FRMD6: variants seen among roughly 807,000 people sequenced by gnomAD.
FRMD6 encodes the protein FERM domain containing 6.
In FRMD6, 37 loss-of-function variants were observed where a neutral mutation model predicts 73.2. That is an observed-to-expected ratio of 0.51 (90% CI 0.39 to 0.66). The LOEUF is 0.66. Among genes scored for constraint, FRMD6 ranks in the 30% least tolerant of loss-of-function variants. The probability of loss-of-function intolerance (pLI) is 0.00; values close to 1 mark genes in which losing one functional copy is unlikely to be tolerated. For synonymous variants in FRMD6, 273 were observed against 282.2 expected (o/e 0.97, Z 0.33); for missense variants, 714 against 780.5 (o/e 0.91, Z 1.02).
chr14:51,713,263 G>A (rs1021753445), intron 9 of FRMD6, among the ~76,000 whole-genome samples: 5 of 152,104 alleles, frequency 3.3e-5, no homozygotes, highest in Admixed American at 2.0e-4. Flanking sequence ...TTCGAGACCA[G>A]TCTGGCCAAC....
intron 2 of FRMD6, among the ~76,000 whole-genome samples, chr14:51,587,573 G>A (rs1164016779): frequency 2.6e-5 from 4 of 152,286 alleles, no homozygotes; most frequent in Admixed American, 2.0e-4. Flanking sequence ...AGCTGCATTT[G>A]TGTGTGCTTG....
At chr14:51,697,940 A>G (rs1278065372) in intron 2 of FRMD6, 3 of 471,788 alleles carry the variant, frequency 6.4e-6, no homozygotes, top group East Asian at 3.4e-5. Context: ...CTTTATTACC[A>G]TGTTGTAAAA....
chr14:51,701,159 G>A lies in FRMD6; in HGVS notation c.294G>A (p.Trp98Ter). The A allele has an allele frequency of 6.6e-7, 1 of 1,522,376 alleles. No homozygotes were observed. Among genetic ancestry groups the A allele is most frequent in the Non-Finnish European group, 8.9e-7 (1 of 1,123,550 alleles). The allele number at this position is 1,522,376 out of a possible 1,614,324, so 94.3% of individuals were successfully genotyped here. The change falls in exon 4 of 14, where the codon TGG becomes TGA. Residue 98 changes from tryptophan (W) to a stop codon, truncating the protein, a stop_gained and splice_region_variant. Transcript: ENST00000344768. LOFTEE classifies it high-confidence loss of function. ...ASKVRQYEVTWGIDQFGPPMI... is the reference protein window; with the variant it reads ...ASKVRQYEVT ...AGGTACGACAATACGAAGTCACTTG[G>A]GTGAGATTACATTTATAAGCAAAAT...
intron 2 of FRMD6, among the ~76,000 whole-genome samples, chr14:51,628,923 CT>C (rs1302694972): frequency 8.2e-6 from 1 of 122,140 alleles, no homozygotes; most frequent in Non-Finnish European, 1.6e-5. Flanking sequence ...GTTTTCCAGG[CT>C]GGAGTGCAGT....
At chr14:51,594,203 T>A (rs891587022) in intron 2 of FRMD6, among the ~76,000 whole-genome samples, 1 of 152,104 alleles carries the variant, frequency 6.6e-6, no homozygotes, top group African/African-American at 2.4e-5. Flanking sequence ...CGGCTCACTG[T>A]AAACTCCACC....
chr14:51,585,960 T>TATAA lies in FRMD6; in HGVS notation c.-147+15551_-147+15552insTAAA, dbSNP rs369811499. Among the ~76,000 whole-genome samples, 320 of 90,602 alleles carry TATAA rather than the reference T, an allele frequency of 3.5e-3. 8 individuals are homozygous for TATAA. The highest frequency in any genetic ancestry group is 0.016 in the East Asian group (36 of 2,266). 59.4% of individuals were successfully genotyped at this position (90,602 alleles called of 152,430 possible). ...GTGTGTATATATATATATATATATA[T>TATAA]AACATTTTCTTTATCAAACCTTTGT... On this transcript the variant is annotated intron_variant, in intron 2 of 14. Coordinates refer to the FRMD6 transcript ENST00000356218.
intron 1 of FRMD6, among the ~76,000 whole-genome samples, chr14:51,660,482 T>A (rs950361686): frequency 6.6e-6 from 1 of 152,110 alleles, no homozygotes; most frequent in African/African-American, 2.4e-5. Flanking sequence ...CTGGTAAAAA[T>A]CTCAAATATT....
intron 1 of FRMD6, among the ~76,000 whole-genome samples, chr14:51,664,064 C>T (rs1893408654): frequency 6.6e-6 from 1 of 152,190 alleles, no homozygotes; most frequent in Non-Finnish European, 1.5e-5. Flanking sequence ...CCATAGCAGT[C>T]CTTTTTCATG....
chr14:51,554,423 T>C (rs1174873653), intron 1 of FRMD6, among the ~76,000 whole-genome samples: 4 of 152,114 alleles, frequency 2.6e-5, no homozygotes, highest in Non-Finnish European at 5.9e-5. Context: ...AAGAGTATAG[T>C]CTGGGAAGAA....
At chr14:51,558,624 T>TTA (rs1887292430) in intron 1 of FRMD6, among the ~76,000 whole-genome samples, 1 of 152,130 alleles carries the variant, frequency 6.6e-6, no homozygotes. Context: ...AATTATATAA[T>TTA]TACATGCCTT....
intron 2 of FRMD6, among the ~76,000 whole-genome samples, chr14:51,621,529 G>A (rs912592065): frequency 6.6e-6 from 1 of 152,200 alleles, no homozygotes; most frequent in Non-Finnish European, 1.5e-5. Flanking sequence ...GTTCCACCCT[G>A]TAGGTTGTTC....
At chr14:51,640,980 T>G (rs1227341741) in intron 2 of FRMD6, among the ~76,000 whole-genome samples, 3 of 152,146 alleles carry the variant, frequency 2.0e-5, no homozygotes, top group Non-Finnish European at 2.9e-5. Context: ...TTCCTTTTTT[T>G]TTTCTTTTTT....
At chr14:51,500,157 G>A (rs971275779) in intron 1 of FRMD6, among the ~76,000 whole-genome samples, 6 of 152,286 alleles carry the variant, frequency 3.9e-5, no homozygotes, top group East Asian at 1.9e-4. Context: ...ATTTTAAAGC[G>A]TTTTGGCAGT....
chr14:51,617,398 C>A (rs1324415097), intron 2 of FRMD6, among the ~76,000 whole-genome samples: 1 of 152,132 alleles, frequency 6.6e-6, no homozygotes, highest in Non-Finnish European at 1.5e-5. Flanking sequence ...CCAAGAGGAA[C>A]CAGAAATCAT....
At chr14:51,412,494 G>C in the FRMD6 span, among the ~76,000 whole-genome samples, 1 of 151,892 alleles carries the variant, frequency 6.6e-6, no homozygotes, top group African/African-American at 2.4e-5. Context: ...GTAAGAGAGG[G>C]GGAGGGAAAA....
chr14:51,465,216 T>A, the FRMD6 span, among the ~76,000 whole-genome samples: 6 of 152,268 alleles, frequency 3.9e-5, no homozygotes, highest in African/African-American at 1.4e-4. Flanking sequence ...TTAGGTTTAC[T>A]AGAATGATTG....
At chr14:51,666,594 T>G (rs1893611216) in intron 1 of FRMD6, among the ~76,000 whole-genome samples, 1 of 152,220 alleles carries the variant, frequency 6.6e-6, no homozygotes, top group African/African-American at 2.4e-5. Flanking sequence ...CTTAACTTTC[T>G]CATATATATT....
intron 2 of FRMD6, among the ~76,000 whole-genome samples, chr14:51,597,376 G>A (rs1257043039): frequency 6.6e-6 from 1 of 152,240 alleles, no homozygotes; most frequent in East Asian, 1.9e-4. Flanking sequence ...GGAGGAGACA[G>A]CATCCGCCCT....
chr14:51,623,932 G>C (rs977064612), intron 2 of FRMD6, among the ~76,000 whole-genome samples: 1 of 152,210 alleles, frequency 6.6e-6, no homozygotes, highest in African/African-American at 2.4e-5. Flanking sequence ...AGAATTTTCT[G>C]TGAATGTGGT....
Sources: gnomAD v4.1 joint callset for allele counts (sites outside exome capture counted in the v4.1 genomes callset) on GRCh38, gnomAD v4.1.1 for gene constraint, MANE v1.5 for transcripts, NCBI Gene and HGNC (gene_info 2026-07-23, HGNC 2026-07-21) for gene names.